LRP1: variants seen among roughly 807,000 people sequenced by gnomAD.
LRP1 encodes prolow-density lipoprotein receptor-related protein 1.
LRP1 carries 51 observed loss-of-function variants against 541.5 expected under a neutral mutation model. The observed-to-expected ratio is 0.09, with a 90% CI of 0.08 to 0.12. The LOEUF (loss-of-function observed/expected upper bound fraction) is 0.12, where lower values mean the gene tolerates loss of function less well. Among genes scored for constraint, LRP1 ranks in the 10% least tolerant of loss-of-function variants. The probability of loss-of-function intolerance (pLI) is 1.00; values close to 1 mark genes in which losing one functional copy is unlikely to be tolerated. For missense variants in LRP1, 3,878 were observed against 6,376.2 expected, an observed-to-expected ratio of 0.61 and a Z score of 13.34; for synonymous variants, 2,219 against 2,470.8, an observed-to-expected ratio of 0.90 and a Z score of 3.02.
Position 57,212,150 on chromosome 12 carries a change from C to T in LRP1, c.13383C>T (p.Asn4461=), listed in dbSNP as rs371480917. 620 of 1,613,994 alleles carry T rather than the reference C, an allele frequency of 3.8e-4. 6 individuals carry two copies. In the South Asian group the frequency reaches 5.9e-3, roughly 15 times the overall value. Residue 4461 remains asparagine (N), a synonymous_variant, in exon 88 of 89, where the codon AAC becomes AAT. Coordinates refer to ENST00000243077, the MANE Select transcript of LRP1 (RefSeq NM_002332.3). The surrounding 1 kb of genome is among the most constrained non-coding windows in gnomAD (Gnocchi z 5.0). ...GCTTCCAGCACCAACGGATGACCAA[C>T]GGGGCCATGAACGTGGAGATTGGAA... The part of the protein sequence containing the change: ...AKGFQHQRMT[N]GAMNVEIGNP...
chr12:57,143,652 A>G (rs771397863), intron 3 of LRP1, 27 bp from the exon 4 acceptor site: 2 of 1,603,674 alleles, frequency 1.2e-6, no homozygotes, highest in African/African-American at 1.3e-5. Context: ...GGCGGCCTGA[A>G]TATGTGTCTC....
rs779045529 is a variant in LRP1, at chr12:57,210,153, A to T, written c.12564A>T (p.Pro4188=). 3 of 1,604,246 alleles carry T rather than the reference A, an allele frequency of 1.9e-6. No individual in the cohort carries two copies. ...GCACATGCGTGCCTGTGCCCTCTCC[A>T]ACGCCCCCCCCAGATGGTATGCTTA... ...DNGTCVPVPS[P]TPPPDAPRPG... is the part of the protein sequence containing the mutation. The change falls in exon 81 of 89, where the codon CCA becomes CCT. Residue 4188 remains proline, a synonymous_variant. Transcript: ENST00000243077.
In LRP1 at chr12:57,175,504, G is replaced by T. The variant is rs1332766079; in HGVS notation, c.3592G>T (p.Val1198Leu). 1 of 1,613,906 alleles carries T rather than the reference G, an allele frequency of 6.2e-7. No individual in the cohort carries two copies. The highest frequency in any genetic ancestry group is 8.5e-7 in the Non-Finnish European group (1 of 1,180,036). ...CGGTGGCTGCAGCCACAACTGCTCA[G>T]TGGCACCTGGCGAAGGCATTGTGTG... ...NNGGCSHNCS[V>L]APGEGIVCSC... The change falls in exon 23 of 89, where the codon GTG becomes TTG. Residue 1198 changes from valine to leucine, a missense_variant. Physicochemically the swap from Val to Leu is conservative, Grantham distance 32. Around this residue, in one of 13 missense-constraint regions of LRP1, gnomAD observed 320 missense variants for 547.9 expected, o/e 0.58. Transcript: ENST00000243077.
intron 44 of LRP1, among the ~76,000 whole-genome samples, chr12:57,191,850 C>CA (rs2036395974): frequency 1.8e-5 from 1 of 55,356 alleles, no homozygotes; most frequent in Non-Finnish European, 3.4e-5. Flanking sequence ...ACACACACAC[C>CA]ACACACCACA....
Position 57,204,846 on chromosome 12 carries a change from C to G in LRP1, c.11194+97C>G. The G allele has an allele frequency of 1.3e-6, 2 of 1,543,818 alleles. No individual in the cohort carries two copies. Among genetic ancestry groups the G allele is most frequent in the Non-Finnish European group, 1.8e-6 (2 of 1,134,920 alleles). On this transcript the variant is annotated intron_variant, in intron 72 of 88. Transcript: ENST00000243077. The surrounding 1 kb of genome is among the most constrained non-coding windows in gnomAD (Gnocchi z 5.3). Reference sequence around the variant, plus strand: ...GAGCTGCACTGGGGTTAGGGTTAACCAGGAGGACTCGCCCAGGAAGGGGAG... The same window carrying G: ...GAGCTGCACTGGGGTTAGGGTTAACGAGGAGGACTCGCCCAGGAAGGGGAG...
Position 57,129,250 on chromosome 12 carries a change from A to G in LRP1, c.67+219A>G, listed in dbSNP as rs1658494514. ...GCTTCCGGGGCCCCCCAGCACAAAC[A>G]AAGACCAGAGGCCTGGGTAGAGAGA... On this transcript the variant is annotated intron_variant, in intron 1 of 88. Transcript: ENST00000243077. 24 of 573,008 alleles carry G rather than the reference A, an allele frequency of 4.2e-5. No homozygotes were observed. In the South Asian group the frequency reaches 5.0e-4, roughly 12 times the overall value. The allele number at this position is 573,008 out of a possible 1,614,324, so 35.5% of individuals were successfully genotyped here.
intron 15 of LRP1, among the ~76,000 whole-genome samples, chr12:57,163,578 CAA>C (rs541782465): frequency 9.2e-6 from 1 of 108,146 alleles, no homozygotes; most frequent in Non-Finnish European, 2.0e-5. Context: ...GACTCTGTCT[CAA>C]AAAAAAAAAA....
At position 57,180,492 on chromosome 12, in the gene LRP1, G is replaced by C; in HGVS notation, c.5386+13G>C. The C allele has an allele frequency of 6.2e-7, 1 of 1,613,670 alleles. No homozygotes were observed. Among genetic ancestry groups the C allele is most frequent in the Non-Finnish European group, 8.5e-7 (1 of 1,179,864 alleles). Reference sequence around the variant, plus strand: ...CTGGCCATCATGGGTGAGGGCTGCTGGGCGAAGCAGAGATGACGCAGAGCA... The same window carrying C: ...CTGGCCATCATGGGTGAGGGCTGCTCGGCGAAGCAGAGATGACGCAGAGCA... On this transcript the variant is annotated intron_variant, in intron 32 of 88. Coordinates refer to ENST00000243077, the MANE Select transcript of LRP1 (RefSeq NM_002332.3).
rs747731723 is a variant in LRP1 at position 57,209,069 on chromosome 12, C to T, written c.12146-14C>T. On this transcript the variant is annotated splice_polypyrimidine_tract_variant and intron_variant, in intron 78 of 88. Transcript: ENST00000243077. Reference sequence around the variant, plus strand: ...GGGGAGGCCAAGCTCTCACAGTGCTCTCTCTCTCCCCAGGCCTGGCCGTGG... The same window carrying T: ...GGGGAGGCCAAGCTCTCACAGTGCTTTCTCTCTCCCCAGGCCTGGCCGTGG... The T allele has an allele frequency of 8.7e-6, 14 of 1,603,732 alleles. No homozygotes were observed. Among genetic ancestry groups the T allele is most frequent in the Non-Finnish European group, 5.1e-6 (6 of 1,171,462 alleles).
chr12:57,145,332 G>A lies in LRP1; in HGVS notation c.683G>A (p.Arg228Gln), dbSNP rs756612365. ...QVSTITPTSTRQTTAMDFSYA... is the reference protein window; with the variant it reads ...QVSTITPTSTQQTTAMDFSYA... ...TCTACCATCACACCTACGAGCACGC[G>A]GCAGACCACAGCCATGGACTTCAGC... Residue 228 changes from arginine to glutamine, a missense_variant, in exon 6 of 89, where the codon CGG becomes CAG. Around this residue, in one of 13 missense-constraint regions of LRP1, gnomAD observed 293 missense variants for 403.7 expected, o/e 0.73. Transcript: ENST00000243077. The A allele has an allele frequency of 2.9e-5, 47 of 1,614,016 alleles. No homozygotes were observed. The highest frequency in any genetic ancestry group is 3.3e-5 in the Non-Finnish European group (39 of 1,180,048).
chr12:57,209,718 G>T lies in LRP1; in HGVS notation c.12289G>T (p.Val4097Phe), dbSNP rs746940525. Residue 4097 changes from valine (V) to phenylalanine (F), a missense_variant, in exon 80 of 89, where the codon GTC (valine) becomes TTC (phenylalanine). Physicochemically the swap from Val to Phe is conservative, Grantham distance 50. Around this residue, in one of 13 missense-constraint regions of LRP1, gnomAD observed 871 missense variants for 1,212.4 expected, o/e 0.72. Transcript: ENST00000243077. ...RGLSHPFSID[V>F]FEDYIYGVTY... The stretch of plus-strand genomic sequence containing the variant: ...CCTAAGTCACCCCTTCAGCATCGAC[G>T]TCTTTGAGGATTACATCTATGGTGT... The T allele has an allele frequency of 6.2e-7, 1 of 1,614,050 alleles. No homozygotes were observed. The highest frequency in any genetic ancestry group is 1.3e-5 in the African/African-American group (1 of 74,910).
chr12:57,162,404 A>G lies in LRP1; in HGVS notation c.2290A>G (p.Ser764Gly). 6.2e-7 allele frequency: 1 copy of G among 1,614,134 alleles called. No individual in the cohort carries two copies. Among genetic ancestry groups the G allele is most frequent in the Admixed American group, 1.7e-5 (1 of 60,018 alleles). The change falls in exon 14 of 89, where the codon AGT (serine) becomes GGT (glycine). Residue 764 changes from serine to glycine, a missense_variant. Coordinates refer to ENST00000243077, the MANE Select transcript of LRP1 (RefSeq NM_002332.3). The surrounding 1 kb of genome is among the most constrained non-coding windows in gnomAD (Gnocchi z 5.2). ...CTTCTGGACTGAGTATCGGAGTGGC[A>G]GTGTCTACCGCTTGGAACGGGGTGT... ...YLFWTEYRSGSVYRLERGVGG... is the reference protein window; with the variant it reads ...YLFWTEYRSGGVYRLERGVGG...
At chr12:57,136,397 C>CG (rs1052109209) in intron 1 of LRP1, among the ~76,000 whole-genome samples, 4 of 99,148 alleles carry the variant, frequency 4.0e-5, no homozygotes, top group Non-Finnish European at 7.1e-5. Context: ...TCCTAAGAGC[C>CG]CCCCCCCCCC....
chr12:57,138,434 A>G, intron 1 of LRP1, 25 bp from the exon 2 acceptor site: 1 of 1,611,812 alleles, frequency 6.2e-7, no homozygotes, highest in Non-Finnish European at 8.5e-7. Flanking sequence ...CTTCATTTAT[A>G]TCCCCTTTTC....
Position 57,129,009 on chromosome 12 carries a change from T to C in LRP1, c.45T>C (p.Ala15=). 6 of 1,551,476 alleles carry C rather than the reference T, an allele frequency of 3.9e-6. No homozygotes were observed. The highest frequency in any genetic ancestry group is 5.2e-6 in the Non-Finnish European group (6 of 1,146,850). The change falls in exon 1 of 89, where the codon GCT becomes GCC. Residue 15 remains alanine, a synonymous_variant. Transcript: ENST00000243077. ...TCCTGCTGCTGCCCCTGCTCTCAGC[T>C]CTGGTCGCGGCGGCTATCGACGGTG... ...PLLLLLPLLS[A]LVAAAIDAPK...
In LRP1 at chr12:57,193,103, C is replaced by T. The variant is rs576384052; in HGVS notation, c.7556-73C>T. Reference sequence around the variant, plus strand: ...GAAGACGCTGATGATGACCTCAGCTCCCCGGGGGAGGAGGCGTGGGCACTG... The same window carrying T: ...GAAGACGCTGATGATGACCTCAGCTTCCCGGGGGAGGAGGCGTGGGCACTG... On this transcript the variant is annotated intron_variant, in intron 45 of 88. Coordinates refer to ENST00000243077, the MANE Select transcript of LRP1 (RefSeq NM_002332.3). The T allele has an allele frequency of 3.1e-6, 5 of 1,594,788 alleles. No homozygotes were observed. In the African/African-American group the frequency reaches 4.0e-5, roughly 13 times the overall value.
intron 42 of LRP1, among the ~76,000 whole-genome samples, chr12:57,190,325 A>G (rs76892406): frequency 0.014 from 2,114 of 152,292 alleles, 45 homozygotes; most frequent in East Asian, 0.049. Context: ...AAATACTCAC[A>G]TAGTGTGTGC....
chr12:57,133,038 C>A (rs550153651), intron 1 of LRP1, among the ~76,000 whole-genome samples: 2 of 152,280 alleles, frequency 1.3e-5, no homozygotes, highest in East Asian at 3.9e-4. Flanking sequence ...GAACTTGATA[C>A]CCTTTGTGGG....
intron 1 of LRP1, among the ~76,000 whole-genome samples, chr12:57,135,868 G>A (rs925034152): frequency 6.6e-6 from 1 of 152,108 alleles, no homozygotes; most frequent in Admixed American, 6.5e-5. Context: ...GGCTAAAGGA[G>A]GGGGCACCAT....
Sources: gnomAD v4.1 joint callset for allele counts (sites outside exome capture counted in the v4.1 genomes callset) on GRCh38, gnomAD v4.1.1 for gene constraint, gnomAD v4.1.1 regional missense constraint, Gnocchi (gnomAD v3.1) non-coding constraint, MANE v1.5 for transcripts, NCBI Gene and HGNC (gene_info 2026-07-23, HGNC 2026-07-21) for gene names.